Variants in CLTCL1 observed in about 807,000 individuals in gnomAD.
CLTCL1 encodes the protein clathrin heavy chain 2.
Under a neutral mutation model 190.0 loss-of-function variants are expected in CLTCL1, and 159 were observed. The ratio of observed to expected loss-of-function variants is 0.84; its 90% CI spans 0.74 to 0.95. The LOEUF is 0.95. CLTCL1 is among the 40% of genes least tolerant of loss of function. The pLI is 0.00. For missense variants in CLTCL1, 1,878 were observed against 2,033.4 expected, an observed-to-expected ratio of 0.92 and a Z score of 1.47; for synonymous variants, 752 against 769.6, an observed-to-expected ratio of 0.98 and a Z score of 0.38.
At chr22:19,239,136 A>T in intron 5 of CLTCL1, 139 bp downstream of exon 5, 2 of 698,096 alleles carry the variant, frequency 2.9e-6, no homozygotes, top group Admixed American at 4.7e-5. Flanking sequence ...CCAAAGCCTT[A>T]GGCCTCTAAA....
Position 19,214,247 on chromosome 22 carries a change from A to G in CLTCL1, c.3065+1864T>C, listed in dbSNP as rs140748224. ...CACGTCAGAGGTCCAGCTGTTCAAC[A>G]TCCTCATCAGCACTGATTAGGAGAG... is the stretch of plus-strand genomic sequence containing the variant. On this transcript the variant is annotated intron_variant, in intron 19 of 32. Transcript: ENST00000427926. Among the ~76,000 whole-genome samples the G allele has an allele frequency of 4.6e-5, 7 of 152,308 alleles. No homozygotes were observed. The East Asian group carries it at 1.3e-3, about 29-fold the overall frequency.
At chr22:19,247,853 G>A (rs1382840690) in intron 3 of CLTCL1, among the ~76,000 whole-genome samples, 2 of 151,946 alleles carry the variant, frequency 1.3e-5, no homozygotes, top group Admixed American at 6.6e-5. Flanking sequence ...GAGTCACCGT[G>A]CCTGGCCCCC....
chr22:19,234,280 C>A (rs781974896), intron 7 of CLTCL1, among the ~76,000 whole-genome samples: 3 of 152,130 alleles, frequency 2.0e-5, no homozygotes, highest in South Asian at 4.1e-4. Context: ...GTGAGAGGTA[C>A]GTATGCACAC....
intron 13 of CLTCL1, 65 bp downstream of exon 13, chr22:19,225,388 G>A: frequency 6.8e-7 from 1 of 1,460,930 alleles, no homozygotes; most frequent in South Asian, 1.4e-5. Flanking sequence ...GGGCAGGTAG[G>A]CAGCAACACC....
Position 19,236,251 on chromosome 22 carries a change from C to T in CLTCL1, c.796-382G>A, listed in dbSNP as rs191599457. ...AAAGACAATATTTTGTCCAACCACT[C>T]TCAAATAAAGGTCCAATAAACTCAG... On this transcript the variant is annotated intron_variant, in intron 5 of 32. Coordinates refer to ENST00000427926, the MANE Select transcript of CLTCL1 (RefSeq NM_007098.4). 6.0e-3 allele frequency among the ~76,000 whole-genome samples: 918 copies of T among 152,308 alleles called. 9 individuals are homozygous for T. Among genetic ancestry groups the T allele is most frequent in the Non-Finnish European group, 7.0e-3 (476 of 68,034 alleles).
At chr22:19,252,741 G>A (rs189583480) in intron 3 of CLTCL1, among the ~76,000 whole-genome samples, 155 of 152,214 alleles carry the variant, frequency 1.0e-3, no homozygotes, top group Admixed American at 2.4e-3. Flanking sequence ...GGGGACGGGC[G>A]CGGTGGCTCA....
rs1461062792 is a variant in CLTCL1, at chr22:19,254,071, G to C, written c.407C>G (p.Ser136Cys). 6.2e-7 allele frequency: 1 copy of C among 1,612,344 alleles called. No individual in the cohort carries two copies. The change falls in exon 3 of 33, where the codon TCC becomes TGC. Residue 136 changes from serine to cysteine, a missense_variant. Coordinates refer to ENST00000427926, the MANE Select transcript of CLTCL1 (RefSeq NM_007098.4). ...TCTATCAAACATCTTCATGGGCTGG[G>C]AGTCACCTTCCATGCTCCAGTGGTA... Reference protein sequence around the residue: ...AVYHWSMEGDSQPMKMFDRHT... With the variant: ...AVYHWSMEGDCQPMKMFDRHT...
Position 19,269,202 on chromosome 22 carries a change from C to G in CLTCL1, c.250+6421G>C, listed in dbSNP as rs541597496. 5.3e-5 allele frequency among the ~76,000 whole-genome samples: 8 copies of G among 152,036 alleles called. No homozygotes were observed. The South Asian group carries it at 1.7e-3, about 32-fold the overall frequency. Reference sequence around the variant, plus strand: ...GGATCATGAGGTCAGGACTTCAAGACCAGCATGGCTGAGATGGTGAAACCC... The same window carrying G: ...GGATCATGAGGTCAGGACTTCAAGAGCAGCATGGCTGAGATGGTGAAACCC... On this transcript the variant is annotated intron_variant, in intron 2 of 32. Transcript: ENST00000427926.
chr22:19,249,012 T>C (rs2086506037), intron 3 of CLTCL1, among the ~76,000 whole-genome samples: 1 of 152,218 alleles, frequency 6.6e-6, no homozygotes, highest in African/African-American at 2.4e-5. Context: ...TTCACTGAAC[T>C]GTCTTGGCAA....
chr22:19,269,099 A>G (rs1303349088), intron 2 of CLTCL1, among the ~76,000 whole-genome samples: 3 of 151,708 alleles, frequency 2.0e-5, no homozygotes, highest in Admixed American at 2.0e-4. Flanking sequence ...AAAAAAAAAA[A>G]AAGAAGAAAA....
intron 2 of CLTCL1, among the ~76,000 whole-genome samples, chr22:19,259,037 G>C (rs2086857377): frequency 6.6e-6 from 1 of 152,122 alleles, no homozygotes; most frequent in African/African-American, 2.4e-5. Flanking sequence ...CAGAATAAGA[G>C]AAAATATAGG....
intron 20 of CLTCL1, 170 bp from the exon 21 acceptor site, chr22:19,209,284 CAA>C: frequency 1.8e-6 from 1 of 546,910 alleles, no homozygotes; most frequent in Non-Finnish European, 3.2e-6. Flanking sequence ...AGGGAAGAGA[CAA>C]GAGCTATTAT....
In CLTCL1 at chr22:19,285,358, A is replaced by G. The variant is rs894562650; in HGVS notation, c.42+6242T>C. 2.0e-5 allele frequency among the ~76,000 whole-genome samples: 3 copies of G among 152,218 alleles called. No individual in the cohort carries two copies. The South Asian group carries it at 6.2e-4, about 32-fold the overall frequency. On this transcript the variant is annotated intron_variant, in intron 1 of 32. Coordinates refer to ENST00000427926, the MANE Select transcript of CLTCL1 (RefSeq NM_007098.4). ...GAGGGAGCTCTGTAAATGAGGGCCT[A>G]TGAAGAATGTTGACACTAAGGTCTC...
intron 1 of CLTCL1, among the ~76,000 whole-genome samples, chr22:19,289,967 AGT>A (rs367778823): frequency 3.3e-5 from 5 of 152,342 alleles, no homozygotes; most frequent in African/African-American, 1.2e-4. Flanking sequence ...GTGCTGACTC[AGT>A]GTTTGCTCTA....
intron 29 of CLTCL1, among the ~76,000 whole-genome samples, chr22:19,186,605 CTTTT>C (rs1207948444): frequency 9.8e-6 from 1 of 102,184 alleles, no homozygotes; most frequent in Non-Finnish European, 2.1e-5. Context: ...TATTTTTTTC[CTTTT>C]TTTTTTTCCG....
chr22:19,185,046 G>A (rs2084266751), intron 29 of CLTCL1, among the ~76,000 whole-genome samples: 1 of 152,246 alleles, frequency 6.6e-6, no homozygotes, highest in African/African-American at 2.4e-5. Flanking sequence ...TCTGTTGCTA[G>A]CTGGCTTTGC....
At chr22:19,196,931 G>GA (rs200949438) in intron 24 of CLTCL1, among the ~76,000 whole-genome samples, 213 of 151,084 alleles carry the variant, frequency 1.4e-3, no homozygotes, top group Middle Eastern at 6.8e-3. Context: ...TAAAGAATTA[G>GA]AAAAAAAAAT....
chr22:19,236,247 C>A (rs1263509239), intron 5 of CLTCL1, among the ~76,000 whole-genome samples: 4 of 152,172 alleles, frequency 2.6e-5, no homozygotes, highest in Non-Finnish European at 5.9e-5. Flanking sequence ...TTTGTCCAAC[C>A]ACTCTCAAAT....
chr22:19,252,778 GC>G (rs1374079731), intron 3 of CLTCL1, among the ~76,000 whole-genome samples: 1 of 152,208 alleles, frequency 6.6e-6, no homozygotes, highest in African/African-American at 2.4e-5. Flanking sequence ...ACTTTGGGAG[GC>G]CAAGGCGGGC....
Sources: gnomAD v4.1 joint callset for allele counts (sites outside exome capture counted in the v4.1 genomes callset) on GRCh38, gnomAD v4.1.1 for gene constraint, MANE v1.5 for transcripts, NCBI Gene and HGNC (gene_info 2026-07-23, HGNC 2026-07-21) for gene names.